The following TMEM233 variants were observed in gnomAD, a reference collection of about 807,000 sequenced individuals.
TMEM233 encodes the protein dispanin subfamily B member 2.
In TMEM233, 6 loss-of-function variants were observed where a neutral mutation model predicts 11.2. That is an observed-to-expected ratio of 0.54 (90% CI 0.29 to 1.06). The LOEUF (loss-of-function observed/expected upper bound fraction) is 1.06, where lower values mean the gene tolerates loss of function less well. Ranked by LOEUF, TMEM233 falls within the 50% of genes least tolerant of loss-of-function variation. The pLI is 0.08. For synonymous variants in TMEM233, 59 were observed against 55.8 expected, an observed-to-expected ratio of 1.06 and a Z score of -0.26; for missense variants, 127 against 144.7, an observed-to-expected ratio of 0.88 and a Z score of 0.63.
At chr12:119,653,072 T>C in the TMEM233 span, among the ~76,000 whole-genome samples, 2 of 152,144 alleles carry the variant, frequency 1.3e-5, no homozygotes, top group African/African-American at 4.8e-5. Context: ...GCCTCTGCTA[T>C]ATTATCCACA....
rs144469540 is a variant in TMEM233, at chr12:119,624,722, T to G, written c.187-5014T>G. ...GTGAGTATTTTACAGGTATGGAGTT[T>G]CCATTGGGGAAGATGAAAATTCCAG... On this transcript the variant is annotated intron_variant, in intron 1 of 2. Coordinates refer to ENST00000426426, the MANE Select transcript of TMEM233 (RefSeq NM_001136534.3). Among the ~76,000 whole-genome samples the G allele has an allele frequency of 8.6e-3, 1,308 of 152,244 alleles. 8 individuals carry two copies. The highest frequency in any genetic ancestry group is 0.013 in the Non-Finnish European group (910 of 68,022).
chr12:119,608,391 T>A (rs1021247058), intron 1 of TMEM233, among the ~76,000 whole-genome samples: 4 of 152,240 alleles, frequency 2.6e-5, no homozygotes, highest in African/African-American at 9.6e-5. Context: ...AATGTCTCCA[T>A]CACTTCAAAC....
At chr12:119,650,725 C>T in the TMEM233 span, among the ~76,000 whole-genome samples, 7 of 152,224 alleles carry the variant, frequency 4.6e-5, no homozygotes, top group African/African-American at 1.7e-4. Flanking sequence ...TCACTGCAAC[C>T]TTCACCCCCC....
intron 1 of TMEM233, among the ~76,000 whole-genome samples, chr12:119,627,380 A>G (rs1305727003): frequency 6.6e-6 from 1 of 152,172 alleles, no homozygotes; most frequent in African/African-American, 2.4e-5. Flanking sequence ...AATACCTAAC[A>G]CTGAATGATT....
intron 1 of TMEM233, among the ~76,000 whole-genome samples, chr12:119,614,559 G>C (rs1192952352): frequency 5.9e-5 from 9 of 152,320 alleles, no homozygotes; most frequent in Admixed American, 3.9e-4. Flanking sequence ...TCTACCTGGT[G>C]CTGTGCATCA....
Position 119,595,511 on chromosome 12 carries a change from C to A in TMEM233, c.186+1477C>A, listed in dbSNP as rs1228710389. On this transcript the variant is annotated intron_variant, in intron 1 of 2. Coordinates refer to ENST00000426426, the MANE Select transcript of TMEM233 (RefSeq NM_001136534.3). The surrounding 1 kb of genome is among the most constrained non-coding windows in gnomAD (Gnocchi z 4.3). ...ATGAAAGCGTGCAGCCGCTGAAGTTCAGACAAGTCTGTATTCAAATCCCAA... is the reference window on the plus strand; with the variant it reads ...ATGAAAGCGTGCAGCCGCTGAAGTTAAGACAAGTCTGTATTCAAATCCCAA... Among the ~76,000 whole-genome samples, 1 of 152,254 alleles carries A rather than the reference C, an allele frequency of 6.6e-6. No homozygotes were observed. The highest frequency in any genetic ancestry group is 1.9e-4 in the East Asian group (1 of 5,194).
At chr12:119,643,245 C>T (rs1955109992), downstream of TMEM233, among the ~76,000 whole-genome samples, 1 of 152,154 alleles carries the variant, frequency 6.6e-6, no homozygotes, top group African/African-American at 2.4e-5. Flanking sequence ...AAATGTCCCT[C>T]TATGAGGCAC....
Position 119,643,032 on chromosome 12 carries a change from T to C in TMEM233, c.*2327T>C, listed in dbSNP as rs1362602848. 1 of 152,240 alleles carries C rather than the reference T, an allele frequency of 6.6e-6. No homozygotes were observed. Among genetic ancestry groups the C allele is most frequent in the African/African-American group, 2.4e-5 (1 of 41,466 alleles). The allele number at this position is 152,240 out of a possible 1,614,324, so 9.4% of individuals were successfully genotyped here. ...TTTTACCCAAATCAAATGAAAAGTG[T>C]TGCTCAGAGGCAGAATAAAAATGGT... On this transcript the variant is annotated 3_prime_UTR_variant, in exon 3 of 3. Transcript: ENST00000426426.
At chr12:119,647,372 T>A (rs895533411), downstream of TMEM233, among the ~76,000 whole-genome samples, 30 of 152,224 alleles carry the variant, frequency 2.0e-4, no homozygotes, top group Non-Finnish European at 1.0e-4. Flanking sequence ...TGACCAGTGA[T>A]CAGGAATCCG....
intron 1 of TMEM233, among the ~76,000 whole-genome samples, chr12:119,596,769 A>G (rs2136665779): frequency 6.6e-6 from 1 of 152,242 alleles, no homozygotes; most frequent in Middle Eastern, 3.4e-3. Flanking sequence ...CTGGGATTAC[A>G]TGGGTGAGCC....
chr12:119,651,816 A>C, the TMEM233 span, among the ~76,000 whole-genome samples: 1 of 121,450 alleles, frequency 8.2e-6, no homozygotes. Context: ...ACAGAGTGAG[A>C]CTCCGTCTCA....
intron 1 of TMEM233, among the ~76,000 whole-genome samples, chr12:119,614,001 G>A (rs535648414): frequency 2.2e-4 from 34 of 152,092 alleles, no homozygotes; most frequent in African/African-American, 8.0e-4. Flanking sequence ...GGCTCCAAAC[G>A]AGATAGGAGA....
At chr12:119,616,859 C>T (rs1178646278) in intron 1 of TMEM233, among the ~76,000 whole-genome samples, 2 of 152,206 alleles carry the variant, frequency 1.3e-5, no homozygotes, top group African/African-American at 4.8e-5. Flanking sequence ...CTTCGCTCAG[C>T]ACTCATTCTT....
intron 1 of TMEM233, among the ~76,000 whole-genome samples, chr12:119,628,546 C>A (rs1482704592): frequency 6.5e-5 from 8 of 123,812 alleles, no homozygotes; most frequent in Non-Finnish European, 7.9e-5. Flanking sequence ...GTCGCCCAGG[C>A]TGGAGTGCAG....
Position 119,594,139 on chromosome 12 carries a change from C to T in TMEM233, c.186+105C>T, listed in dbSNP as rs905529181. The T allele has an allele frequency of 1.3e-5, 15 of 1,179,148 alleles. No homozygotes were observed. The highest frequency in any genetic ancestry group is 1.8e-5 in the Non-Finnish European group (15 of 842,938). The allele number at this position is 1,179,148 out of a possible 1,614,324, so 73.0% of individuals were successfully genotyped here. A position where few individuals can be genotyped will look rare whatever the true frequency, so the allele number is the denominator to read the frequency against. Reference sequence around the variant, plus strand: ...CTCTGCGGCTCCCTTCCTCACGGCCCGGCCCGCGCTAGGTGTTCTTTGTCC... The same window carrying T: ...CTCTGCGGCTCCCTTCCTCACGGCCTGGCCCGCGCTAGGTGTTCTTTGTCC... On this transcript the variant is annotated intron_variant, in intron 1 of 2. Coordinates refer to ENST00000426426, the MANE Select transcript of TMEM233 (RefSeq NM_001136534.3). This position sits in a 1 kb window ranked among gnomAD's most constrained non-coding sequence, Gnocchi z 5.6.
intron 1 of TMEM233, among the ~76,000 whole-genome samples, chr12:119,624,564 TAAGTAA>T (rs1428036028): frequency 6.6e-6 from 1 of 152,142 alleles, no homozygotes; most frequent in African/African-American, 2.4e-5. Flanking sequence ...TTATTATGTC[TAAGTAA>T]AAGAATCCAG....
chr12:119,631,732 T>C lies in TMEM233; in HGVS notation c.323+1860T>C, dbSNP rs945501385. 3 of 884,942 alleles carry C rather than the reference T, an allele frequency of 3.4e-6. No homozygotes were observed. The African/African-American group carries it at 5.4e-5, about 16-fold the overall frequency. The allele number at this position is 884,942 out of a possible 1,614,324, so 54.8% of individuals were successfully genotyped here. A position where few individuals can be genotyped will look rare whatever the true frequency, so the allele number is the denominator to read the frequency against. On this transcript the variant is annotated intron_variant, in intron 2 of 2. Coordinates refer to ENST00000426426, the MANE Select transcript of TMEM233 (RefSeq NM_001136534.3). Reference sequence around the variant, plus strand: ...CTGGACCCAGGTCCCAGTCACCACTTATTCACTGTGAGACCTTCAGCCAAT... The same window carrying C: ...CTGGACCCAGGTCCCAGTCACCACTCATTCACTGTGAGACCTTCAGCCAAT...
At position 119,604,737 on chromosome 12, in the gene TMEM233, G is replaced by A. The variant is rs960693521; in HGVS notation, c.186+10703G>A. Reference sequence around the variant, plus strand: ...TCCAGCCTCAATCTCTGGCTCAAGCGATACTCACACTTCAGTCTCCAAAGT... The same window carrying A: ...TCCAGCCTCAATCTCTGGCTCAAGCAATACTCACACTTCAGTCTCCAAAGT... On this transcript the variant is annotated intron_variant, in intron 1 of 2. Transcript: ENST00000426426. Among the ~76,000 whole-genome samples the A allele has an allele frequency of 5.3e-5, 8 of 152,212 alleles. No individual in the cohort carries two copies. The East Asian group carries it at 9.6e-4, about 18-fold the overall frequency.
At chr12:119,602,084 T>C (rs541213540) in intron 1 of TMEM233, among the ~76,000 whole-genome samples, 1 of 152,332 alleles carries the variant, frequency 6.6e-6, no homozygotes, top group Admixed American at 6.5e-5. Flanking sequence ...CCATACCTGC[T>C]GTGGATGATA....
Sources: allele counts gnomAD v4.1 joint callset (sites outside exome capture counted in the v4.1 genomes callset), GRCh38; gene constraint gnomAD v4.1.1; non-coding constraint Gnocchi (gnomAD v3.1); transcripts MANE v1.5; gene names NCBI Gene and HGNC (gene_info 2026-07-23, HGNC 2026-07-21).